The following RBM34 variants were observed in gnomAD, a reference collection of about 807,000 sequenced individuals.
RBM34 encodes the protein RNA-binding protein 34.
RBM34 carries 39 observed loss-of-function variants against 44.6 expected under a neutral mutation model. That is an observed-to-expected ratio of 0.87 (90% CI 0.68 to 1.14). The LOEUF (loss-of-function observed/expected upper bound fraction) is 1.14. Among genes scored for constraint, RBM34 ranks in the 50% most tolerant of loss-of-function variants. The probability of loss-of-function intolerance (pLI) is 0.00; values close to 1 mark genes in which losing one functional copy is unlikely to be tolerated. For missense variants in RBM34, 572 were observed against 517.9 expected, an observed-to-expected ratio of 1.10 and a Z score of -1.01; for synonymous variants, 194 against 184.0, an observed-to-expected ratio of 1.05 and a Z score of -0.44.
chr1:235,146,682 G>A (rs1397563961), intron 6 of RBM34, among the ~76,000 whole-genome samples: 2 of 152,070 alleles, frequency 1.3e-5, no homozygotes, highest in African/African-American at 2.4e-5. Context: ...GTGCAATGGC[G>A]TGATCTGGGC....
intron 5 of RBM34, among the ~76,000 whole-genome samples, chr1:235,149,581 A>C (rs1535405): frequency 6.6e-6 from 1 of 152,172 alleles, no homozygotes. Context: ...CATGCAGGTA[A>C]GGGAATCCCC....
intron 5 of RBM34, among the ~76,000 whole-genome samples, chr1:235,151,430 A>G (rs551530655): frequency 3.7e-4 from 56 of 152,342 alleles, no homozygotes; most frequent in Non-Finnish European, 3.4e-4. Context: ...ATATGTGATA[A>G]GAGTGGGAAA....
chr1:235,143,427 C>T (rs960250311), intron 6 of RBM34, among the ~76,000 whole-genome samples: 4 of 152,156 alleles, frequency 2.6e-5, no homozygotes, highest in African/African-American at 9.7e-5. Context: ...GCTGAAATAA[C>T]CTGAATGTTC....
Position 235,135,243 on chromosome 1 carries a change from C to T in RBM34, c.1008+409G>A, listed in dbSNP as rs1248831783. Among the ~76,000 whole-genome samples the T allele has an allele frequency of 5.3e-4, 60 of 113,202 alleles. 9 individuals carry two copies. Among genetic ancestry groups the T allele is most frequent in the Non-Finnish European group, 1.1e-3 (54 of 51,052 alleles). 74.3% of individuals were successfully genotyped at this position (113,202 alleles called of 152,430 possible). On this transcript the variant is annotated intron_variant, in intron 10 of 10. Transcript: ENST00000408888. ...AATTTTTTGTATTTTTTTTTTTCCC[C>T]CTTGAGATGGAGTCTTGCTCTGTGG...
At chr1:235,136,411 C>T (rs967800319) in intron 8 of RBM34, among the ~76,000 whole-genome samples, 1 of 152,218 alleles carries the variant, frequency 6.6e-6, no homozygotes, top group African/African-American at 2.4e-5. Flanking sequence ...GCTGCAACTA[C>T]TCAACTCTGC....
At chr1:235,132,319 T>C (rs1483005263) in intron 10 of RBM34, among the ~76,000 whole-genome samples, 1 of 152,218 alleles carries the variant, frequency 6.6e-6, no homozygotes, top group Non-Finnish European at 1.5e-5. Context: ...TTTTCTTTTT[T>C]CTTTTTTTGA....
Position 235,152,725 on chromosome 1 carries a change from G to C in RBM34, c.638C>G (p.Ser213Cys). 6.3e-7 allele frequency: 1 copy of C among 1,599,076 alleles called. No individual in the cohort carries two copies. Among genetic ancestry groups the C allele is most frequent in the South Asian group, 1.1e-5 (1 of 88,064 alleles). The change falls in exon 5 of 11, where the codon TCT (serine) becomes TGT (cysteine). Residue 213 changes from serine to cysteine, a missense_variant. Transcript: ENST00000408888. ...SFFKEYGQIESVRFRSLIPAE... is the reference protein window; with the variant it reads ...SFFKEYGQIECVRFRSLIPAE... ...ACATACCAGAGAACGAAATCGTACA[G>C]ATTCTATTTGTCCATACTCTTTAAA...
intron 3 of RBM34, among the ~76,000 whole-genome samples, chr1:235,157,668 A>G (rs1016998507): frequency 5.9e-5 from 9 of 152,220 alleles, no homozygotes; most frequent in Admixed American, 6.5e-5. Context: ...GGAAATGCAC[A>G]TTTAAAGAGT....
chr1:235,148,011 G>A (rs556504959), intron 6 of RBM34, among the ~76,000 whole-genome samples: 4 of 152,206 alleles, frequency 2.6e-5, no homozygotes, highest in African/African-American at 7.2e-5. Flanking sequence ...AACAGAGAAC[G>A]CCAAGTGGTC....
At chr1:235,146,795 A>G (rs1661926819) in intron 6 of RBM34, among the ~76,000 whole-genome samples, 2 of 152,090 alleles carry the variant, frequency 1.3e-5, no homozygotes, top group African/African-American at 2.4e-5. Flanking sequence ...TAATTTTTCT[A>G]TTTTTAGTAG....
At chr1:235,156,183 T>C (rs1161052503) in intron 3 of RBM34, among the ~76,000 whole-genome samples, 7 of 151,698 alleles carry the variant, frequency 4.6e-5, no homozygotes. Context: ...TTATATTTTT[T>C]TGTAGAGACA....
At chr1:235,153,079 A>G (rs1662233808) in intron 4 of RBM34, among the ~76,000 whole-genome samples, 1 of 152,180 alleles carries the variant, frequency 6.6e-6, no homozygotes, top group Non-Finnish European at 1.5e-5. Context: ...CATGTTGGCC[A>G]GTCTGGTCTC....
At chr1:235,142,344 T>A (rs1378026452) in intron 6 of RBM34, among the ~76,000 whole-genome samples, 1 of 152,106 alleles carries the variant, frequency 6.6e-6, no homozygotes, top group African/African-American at 2.4e-5. Flanking sequence ...AATGGCATGA[T>A]CTCGGCTCAC....
chr1:235,146,335 G>C (rs1464052481), intron 6 of RBM34, among the ~76,000 whole-genome samples: 1 of 152,088 alleles, frequency 6.6e-6, no homozygotes, highest in Non-Finnish European at 1.5e-5. Flanking sequence ...GGCACACCTA[G>C]AGAATACTCT....
Position 235,135,958 on chromosome 1 carries a change from T to C in RBM34, c.889+76A>G, listed in dbSNP as rs921322830. On this transcript the variant is annotated intron_variant, in intron 9 of 10. Transcript: ENST00000408888. ...TTAAAATTAGTCTTAAATCAAAACA[T>C]TAAGTTACTACTCAGTTCTTATTTC... 10 of 1,339,484 alleles carry C rather than the reference T, an allele frequency of 7.5e-6. No individual in the cohort carries two copies. The Admixed American group carries it at 1.1e-4, about 15-fold the overall frequency. 83.0% of individuals were successfully genotyped at this position (1,339,484 alleles called of 1,614,324 possible).
At chr1:235,152,314 A>G (rs1336280565) in intron 5 of RBM34, among the ~76,000 whole-genome samples, 1 of 152,224 alleles carries the variant, frequency 6.6e-6, no homozygotes, top group Admixed American at 6.5e-5. Flanking sequence ...CTCAGAGAAC[A>G]AAGACTGTTT....
rs147410429 is a variant in RBM34, at chr1:235,136,569, C to T, written c.850-496G>A. Among the ~76,000 whole-genome samples, 872 of 152,352 alleles carry T rather than the reference C, an allele frequency of 5.7e-3. 10 individuals are homozygous for T. Among genetic ancestry groups the T allele is most frequent in the African/African-American group, 0.02 (819 of 41,574 alleles). Reference sequence around the variant, plus strand: ...TTGACCCTGTACTGGGTCCCCAAGTCAAGCCAGGGCTTTCATCCAGGTCGT... The same window carrying T: ...TTGACCCTGTACTGGGTCCCCAAGTTAAGCCAGGGCTTTCATCCAGGTCGT... On this transcript the variant is annotated intron_variant, in intron 8 of 10. Transcript: ENST00000408888.
chr1:235,131,952 G>C lies in RBM34; in HGVS notation c.1054C>G (p.Leu352Val). ...ATGACTCTGAGTTTTCTCCCCATGA[G>C]TTCAGAATTATTTAATTTCAGAGCA... The part of the protein sequence containing the change: ...HLALKLNNSE[L>V]MGRKLRVMRS... The change falls in exon 11 of 11, where the codon CTC (leucine) becomes GTC (valine). Residue 352 changes from leucine to valine, a missense_variant. By Grantham distance (32) the Leu-to-Val change is conservative (BLOSUM62 1). Transcript: ENST00000408888. 6.2e-7 allele frequency: 1 copy of C among 1,606,552 alleles called. No individual in the cohort carries two copies. Among genetic ancestry groups the C allele is most frequent in the Non-Finnish European group, 8.5e-7 (1 of 1,176,342 alleles).
chr1:235,160,948 G>A lies in RBM34; in HGVS notation c.173C>T (p.Ser58Phe), dbSNP rs772503203. 2 of 1,614,168 alleles carry A rather than the reference G, an allele frequency of 1.2e-6. No homozygotes were observed. The highest frequency in any genetic ancestry group is 2.2e-5 in the South Asian group (2 of 91,086). ...HSRGGTGRLA[S>F]LFSSLEPQIQ... ...CTGGGGCTCCAGAGAACTGAAGAGGGACGCCAGCCGACCGGTGCCACCTCT... is the reference window on the plus strand; with the variant it reads ...CTGGGGCTCCAGAGAACTGAAGAGGAACGCCAGCCGACCGGTGCCACCTCT... The change falls in exon 2 of 11, where the codon TCC (serine) becomes TTC (phenylalanine). Residue 58 changes from serine (S) to phenylalanine (F), a missense_variant. Transcript: ENST00000408888.
Sources: gnomAD v4.1 joint callset for allele counts (sites outside exome capture counted in the v4.1 genomes callset) on GRCh38, gnomAD v4.1.1 for gene constraint, MANE v1.5 for transcripts, NCBI Gene and HGNC (gene_info 2026-07-23, HGNC 2026-07-21) for gene names.